Variants in RAD51B observed in about 807,000 individuals in gnomAD.
RAD51B encodes RAD51 paralog B.
Under a neutral mutation model 42.2 loss-of-function variants are expected in RAD51B, and 38 were observed. That is an observed-to-expected ratio of 0.90 (90% CI 0.70 to 1.18). RAD51B has a LOEUF of 1.18. RAD51B is among the 50% of genes most tolerant of loss of function. RAD51B has a pLI of 0.00. For missense variants in RAD51B, 373 were observed against 400.7 expected (o/e 0.93, Z 0.59); for synonymous variants, 154 against 145.2 (o/e 1.06, Z -0.43).
At chr14:68,241,289 T>G (rs1039236142) in intron 7 of RAD51B, among the ~76,000 whole-genome samples, 9 of 152,244 alleles carry the variant, frequency 5.9e-5, no homozygotes, top group South Asian at 2.1e-4. Context: ...ACGCCTGTAA[T>G]CCCAGCACTT....
chr14:68,601,425 T>C (rs903403347), intron 10 of RAD51B, among the ~76,000 whole-genome samples: 2 of 152,120 alleles, frequency 1.3e-5, no homozygotes, highest in African/African-American at 4.8e-5. Context: ...AGAATGATGA[T>C]ACCTGCCACC....
intron 10 of RAD51B, among the ~76,000 whole-genome samples, chr14:68,496,933 CT>C (rs1339257255): frequency 1.3e-5 from 2 of 152,224 alleles, no homozygotes; most frequent in African/African-American, 4.8e-5. Flanking sequence ...CAAATCTTTT[CT>C]GTTCTAGAAG....
chr14:67,889,154 A>G (rs935482853), intron 7 of RAD51B, among the ~76,000 whole-genome samples: 3 of 152,146 alleles, frequency 2.0e-5, no homozygotes, highest in African/African-American at 7.2e-5. Context: ...ATAAATGCAG[A>G]TTATACTATG....
chr14:67,991,853 G>A (rs1014561321), intron 7 of RAD51B, among the ~76,000 whole-genome samples: 11 of 152,082 alleles, frequency 7.2e-5, no homozygotes, highest in African/African-American at 2.7e-4. Context: ...ATATCAGGAT[G>A]ATAGGCTTAA....
At chr14:68,616,979 G>A (rs1416239340) in intron 10 of RAD51B, among the ~76,000 whole-genome samples, 2 of 151,940 alleles carry the variant, frequency 1.3e-5, no homozygotes, top group Non-Finnish European at 2.9e-5. Flanking sequence ...TTAAAATCCT[G>A]GAGTATATTT....
chr14:68,016,922 A>C (rs571107448), intron 7 of RAD51B, among the ~76,000 whole-genome samples: 18 of 152,334 alleles, frequency 1.2e-4, no homozygotes, highest in Non-Finnish European at 2.5e-4. Flanking sequence ...TAAATGAAAA[A>C]GAAAAAAGAA....
intron 7 of RAD51B, among the ~76,000 whole-genome samples, chr14:68,041,833 C>T (rs2076222965): frequency 6.6e-6 from 1 of 152,202 alleles, no homozygotes; most frequent in Non-Finnish European, 1.5e-5. Context: ...ATGTGCCTAT[C>T]TCTGCATCCA....
intron 7 of RAD51B, among the ~76,000 whole-genome samples, chr14:68,002,466 C>T (rs564366610): frequency 6.6e-6 from 1 of 152,066 alleles, no homozygotes; most frequent in South Asian, 2.1e-4. Flanking sequence ...CAAAAATTTT[C>T]TGCCATTCTG....
chr14:67,921,099 G>A (rs953976371), intron 7 of RAD51B, among the ~76,000 whole-genome samples: 2 of 152,166 alleles, frequency 1.3e-5, no homozygotes, highest in African/African-American at 4.8e-5. Context: ...GTGATCATAT[G>A]AATCACTGAG....
In RAD51B at chr14:68,222,214, A is replaced by G. The variant is rs561249930; in HGVS notation, c.757-69670A>G. Among the ~76,000 whole-genome samples, 5 of 152,338 alleles carry G rather than the reference A, an allele frequency of 3.3e-5. No homozygotes were observed. The East Asian group carries it at 9.6e-4, about 29-fold the overall frequency. The stretch of plus-strand genomic sequence containing the variant: ...GAAAAGAAGTCATTATATAAAAAAG[A>G]TACTTGCACATGTGTGTTTATGGCA... On this transcript the variant is annotated intron_variant, in intron 7 of 10. Transcript: ENST00000471583.
intron 9 of RAD51B, among the ~76,000 whole-genome samples, chr14:68,462,539 C>A (rs959742260): frequency 8.5e-5 from 13 of 152,272 alleles, no homozygotes; most frequent in African/African-American, 3.1e-4. Flanking sequence ...TTAAATGTTC[C>A]TCCAAAGAAT....
chr14:68,682,744 T>C (rs1424842569), intron 11 of RAD51B, among the ~76,000 whole-genome samples: 1 of 145,130 alleles, frequency 6.9e-6, no homozygotes, highest in Non-Finnish European at 1.5e-5. Context: ...AGCAGGGACG[T>C]GGGGGTGGAA....
At chr14:68,108,194 A>T (rs930194421) in intron 7 of RAD51B, among the ~76,000 whole-genome samples, 5 of 147,330 alleles carry the variant, frequency 3.4e-5, no homozygotes, top group South Asian at 4.1e-4. Flanking sequence ...GTAAGAATAT[A>T]AAAAAAATGG....
rs575361577 is a variant in RAD51B at position 68,332,497 on chromosome 14, T to C, written c.853+40517T>C. On this transcript the variant is annotated intron_variant, in intron 8 of 10. Transcript: ENST00000471583. ...GTATTGTTTTCTTTCTAAACCTCTA[T>C]AGGGTGCATGGCTCTTAACTACTGA... 9.1e-4 allele frequency among the ~76,000 whole-genome samples: 138 copies of C among 152,334 alleles called. 1 individual carries two copies. The highest frequency in any genetic ancestry group is 6.8e-3 in the Middle Eastern group (2 of 294).
At chr14:68,087,346 T>A (rs2077000128) in intron 7 of RAD51B, among the ~76,000 whole-genome samples, 1 of 152,160 alleles carries the variant, frequency 6.6e-6, no homozygotes, top group South Asian at 2.1e-4. Context: ...CAGGGTGTTC[T>A]GAGACCCTCT....
At chr14:68,305,897 CTG>C (rs959632836) in intron 8 of RAD51B, among the ~76,000 whole-genome samples, 2 of 152,194 alleles carry the variant, frequency 1.3e-5, no homozygotes, top group Non-Finnish European at 2.9e-5. Flanking sequence ...TGGTGGATGA[CTG>C]TTTTTCTCGG....
intron 10 of RAD51B, among the ~76,000 whole-genome samples, chr14:68,538,704 G>A (rs555458155): frequency 6.6e-6 from 1 of 151,654 alleles, no homozygotes; most frequent in South Asian, 2.1e-4. Flanking sequence ...AATAAGAATA[G>A]AGATTTCTGA....
At chr14:68,591,540 T>G (rs557159754) in intron 10 of RAD51B, among the ~76,000 whole-genome samples, 151 of 152,324 alleles carry the variant, frequency 9.9e-4, no homozygotes, top group Middle Eastern at 3.4e-3. Flanking sequence ...ATGACTCAAA[T>G]CAAATCAACT....
In RAD51B at chr14:68,560,390, T is replaced by C. The variant is rs113282212; in HGVS notation, c.1037-34095T>C. Among the ~76,000 whole-genome samples the C allele has an allele frequency of 2.6e-5, 4 of 152,316 alleles. 1 individual carries two copies. The highest frequency in any genetic ancestry group is 9.6e-5 in the African/African-American group (4 of 41,586). ...ACAGTGGCCCACCTGGGAGGTCTTT[T>C]ATTAATGAGTCTGGGGACTTGGGGG... On this transcript the variant is annotated intron_variant, in intron 10 of 10. Coordinates refer to the RAD51B transcript ENST00000487270.
Sources: gnomAD v4.1 joint callset for allele counts (sites outside exome capture counted in the v4.1 genomes callset) on GRCh38, gnomAD v4.1.1 for gene constraint, MANE v1.5 for transcripts, NCBI Gene and HGNC (gene_info 2026-07-23, HGNC 2026-07-21) for gene names.